The following RAB40C variants were observed in gnomAD, a reference collection of about 807,000 sequenced individuals.
RAB40C encodes the protein ras-related protein Rab-40C.
In RAB40C, 8 loss-of-function variants were observed where a neutral mutation model predicts 28.1. The observed-to-expected ratio is 0.28, with a 90% CI of 0.17 to 0.51. The LOEUF (loss-of-function observed/expected upper bound fraction) is 0.51. Among genes scored for constraint, RAB40C ranks in the 20% least tolerant of loss-of-function variants. RAB40C has a pLI of 0.97. For synonymous variants in RAB40C, 201 were observed against 171.7 expected, an observed-to-expected ratio of 1.17 and a Z score of -1.34; for missense variants, 288 against 405.9, an observed-to-expected ratio of 0.71 and a Z score of 2.50.
At chr16:617,017 A>C (rs2036600286) in intron 1 of RAB40C, 191 bp from the exon 2 acceptor site, 3 of 617,988 alleles carry the variant, frequency 4.9e-6, no homozygotes, top group African/African-American at 3.7e-5. Context: ...GCCCGTGTGC[A>C]GAAGTGGGCA....
intron 3 of RAB40C, among the ~76,000 whole-genome samples, chr16:621,525 C>T (rs1008173930): frequency 3.3e-5 from 5 of 152,270 alleles, no homozygotes; most frequent in Admixed American, 6.5e-5. Context: ...GCAGCAGTCC[C>T]GCGGCTCTTC....
chr16:608,815 A>G (rs922699549), intron 1 of RAB40C, among the ~76,000 whole-genome samples: 1 of 152,172 alleles, frequency 6.6e-6, no homozygotes, highest in Non-Finnish European at 1.5e-5. Flanking sequence ...GGAGGTTGCC[A>G]TGAGCCAAGA....
At position 627,527 on chromosome 16, in the gene RAB40C, G is replaced by A. The variant is rs145997805; in HGVS notation, c.751G>A (p.Gly251Ser). ...YSLASGAGGG[G>S]SKGNSLKRSK... Reference sequence around the variant, plus strand: ...CCTGGCCAGCGGGGCCGGGGGCGGCGGCAGCAAGGGCAACAGCCTCAAGAG... The same window carrying A: ...CCTGGCCAGCGGGGCCGGGGGCGGCAGCAGCAAGGGCAACAGCCTCAAGAG... Residue 251 changes from glycine (G) to serine (S), a missense_variant, in exon 6 of 6, where the codon GGC (glycine) becomes AGC (serine). Around this residue, in one of 3 missense-constraint regions of RAB40C, gnomAD observed 57 missense variants for 55.3 expected, o/e 1.03. Coordinates refer to ENST00000248139, the MANE Select transcript of RAB40C (RefSeq NM_021168.5). The A allele has an allele frequency of 4.3e-5, 70 of 1,613,508 alleles. No individual in the cohort carries two copies. The highest frequency in any genetic ancestry group is 1.6e-4 in the East Asian group (7 of 44,904).
chr16:621,480 A>C (rs908952998), intron 3 of RAB40C, among the ~76,000 whole-genome samples: 1 of 152,340 alleles, frequency 6.6e-6, no homozygotes, highest in Non-Finnish European at 1.5e-5. Context: ...AGCAAAGGCC[A>C]CCGGCCACTC....
chr16:592,947 G>C (rs2036033065), intron 1 of RAB40C, among the ~76,000 whole-genome samples: 1 of 152,232 alleles, frequency 6.6e-6, no homozygotes, highest in South Asian at 2.1e-4. Context: ...GTGGAGACCT[G>C]CCTGCTTGCA....
intron 1 of RAB40C, among the ~76,000 whole-genome samples, chr16:592,080 C>A (rs1199430070): frequency 6.6e-6 from 1 of 152,222 alleles, no homozygotes; most frequent in Non-Finnish European, 1.5e-5. Flanking sequence ...CCCAGATGAA[C>A]TGGGAGCAGT....
intron 1 of RAB40C, among the ~76,000 whole-genome samples, chr16:603,678 T>C (rs546221368): frequency 1.3e-5 from 2 of 152,284 alleles, no homozygotes; most frequent in South Asian, 4.2e-4. Context: ...GTTCTATGAG[T>C]TTTGGCACAT....
At chr16:624,953 G>T in intron 3 of RAB40C, 1 of 1,289,008 alleles carries the variant, frequency 7.8e-7, no homozygotes, top group Non-Finnish European at 1.0e-6. Flanking sequence ...CTGGCTGGGG[G>T]AGCTTCACAG....
chr16:626,632 C>G (rs1007436570), intron 5 of RAB40C, among the ~76,000 whole-genome samples: 3 of 152,190 alleles, frequency 2.0e-5, no homozygotes, highest in African/African-American at 7.2e-5. Flanking sequence ...GACGGTGTCA[C>G]TGTCCTTCTT....
chr16:591,651 G>C (rs1281777579), intron 1 of RAB40C, among the ~76,000 whole-genome samples: 3 of 151,440 alleles, frequency 2.0e-5, no homozygotes, highest in Non-Finnish European at 4.4e-5. Flanking sequence ...GAGTGCAGTG[G>C]CACAATTTCA....
At chr16:608,508 C>A (rs1471823281) in intron 1 of RAB40C, among the ~76,000 whole-genome samples, 3 of 152,202 alleles carry the variant, frequency 2.0e-5, no homozygotes, top group Admixed American at 1.3e-4. Context: ...AATCTGTGGC[C>A]CTCAGCGCCA....
At chr16:615,481 C>T (rs886298627) in intron 1 of RAB40C, among the ~76,000 whole-genome samples, 5 of 152,024 alleles carry the variant, frequency 3.3e-5, no homozygotes, top group African/African-American at 4.8e-5. Context: ...AAAGACAAAA[C>T]GTGAATGGTG....
At chr16:626,463 C>T (rs776894595) in intron 5 of RAB40C, among the ~76,000 whole-genome samples, 7 of 152,172 alleles carry the variant, frequency 4.6e-5, no homozygotes, top group Non-Finnish European at 8.8e-5. Context: ...CAGGGGAGCA[C>T]AGGAGCCGTG....
At chr16:622,181 C>T (rs903059052) in intron 3 of RAB40C, among the ~76,000 whole-genome samples, 1 of 152,200 alleles carries the variant, frequency 6.6e-6, no homozygotes, top group African/African-American at 2.4e-5. Context: ...CACTCTTAGG[C>T]CCAGCAGTTC....
Position 627,421 on chromosome 16 carries a change from C to T in RAB40C, c.645C>T (p.Pro215=), listed in dbSNP as rs552864132. The part of the protein sequence containing the change: ...PVHLIDKLPL[P]VTIKSHLKSF... ...ACCTCATCGACAAGCTTCCACTGCCCGTCACCATCAAGAGCCACCTCAAGT... is the reference window on the plus strand; with the variant it reads ...ACCTCATCGACAAGCTTCCACTGCCTGTCACCATCAAGAGCCACCTCAAGT... Residue 215 remains proline (P), a synonymous_variant, in exon 6 of 6, where the codon CCC becomes CCT. Coordinates refer to ENST00000248139, the MANE Select transcript of RAB40C (RefSeq NM_021168.5). 46 of 1,614,028 alleles carry T rather than the reference C, an allele frequency of 2.9e-5. No individual in the cohort carries two copies. Among genetic ancestry groups the T allele is most frequent in the African/African-American group, 2.8e-4 (21 of 75,068 alleles).
intron 3 of RAB40C, 51 bp from the exon 4 acceptor site, chr16:625,381 G>C (rs758591668): frequency 1.3e-6 from 2 of 1,594,332 alleles, no homozygotes; most frequent in African/African-American, 2.7e-5. Flanking sequence ...CTGGGCCTGG[G>C]CTGGCCATGC....
intron 1 of RAB40C, among the ~76,000 whole-genome samples, chr16:595,197 C>T (rs2036087069): frequency 1.3e-5 from 2 of 152,186 alleles, no homozygotes; most frequent in Non-Finnish European, 2.9e-5. Flanking sequence ...GCTAATGCTG[C>T]CAGCGTGTGA....
At chr16:603,157 T>G (rs1214885135) in intron 1 of RAB40C, among the ~76,000 whole-genome samples, 1 of 152,226 alleles carries the variant, frequency 6.6e-6, no homozygotes, top group Non-Finnish European at 1.5e-5. Flanking sequence ...GCCTGCTCTT[T>G]GTAGACACGA....
intron 1 of RAB40C, among the ~76,000 whole-genome samples, chr16:598,905 C>T (rs1167945236): frequency 1.3e-5 from 2 of 152,346 alleles, no homozygotes; most frequent in East Asian, 3.9e-4. Flanking sequence ...CCAGCAGCTC[C>T]AGCAGCGTGG....
Sources: gnomAD v4.1 joint callset for allele counts (sites outside exome capture counted in the v4.1 genomes callset) on GRCh38, gnomAD v4.1.1 for gene constraint, gnomAD v4.1.1 regional missense constraint, MANE v1.5 for transcripts, NCBI Gene and HGNC (gene_info 2026-07-23, HGNC 2026-07-21) for gene names.